The following VIPR2 variants were observed in gnomAD, a reference collection of about 807,000 sequenced individuals.
VIPR2 encodes vasoactive intestinal peptide receptor 2, also known as vasoactive intestinal polypeptide receptor 2.
In VIPR2, 48 loss-of-function variants were observed where a neutral mutation model predicts 58.0. The ratio of observed to expected loss-of-function variants is 0.83; its 90% confidence interval spans 0.66 to 1.05. The LOEUF (loss-of-function observed/expected upper bound fraction) is 1.05, where lower values mean the gene tolerates loss of function less well. VIPR2 is among the 50% of genes least tolerant of loss of function. VIPR2 has a pLI of 0.00. For missense variants in VIPR2, 534 were observed against 558.0 expected (o/e 0.96, Z 0.43); for synonymous variants, 243 against 235.2 (o/e 1.03, Z -0.30).
intron 5 of VIPR2, among the ~76,000 whole-genome samples, chr7:159,045,178 G>A (rs558773533): frequency 6.6e-6 from 1 of 152,234 alleles, no homozygotes; most frequent in South Asian, 2.1e-4. Flanking sequence ...AAAATGAAGA[G>A]AGCCCAAGAG....
intron 6 of VIPR2, among the ~76,000 whole-genome samples, chr7:159,037,846 C>T (rs991589149): frequency 2.6e-5 from 4 of 152,030 alleles, no homozygotes; most frequent in African/African-American, 9.7e-5. Flanking sequence ...CATTTCCATT[C>T]TTATTTCTGT....
chr7:159,064,513 G>A (rs568392344), intron 4 of VIPR2, among the ~76,000 whole-genome samples: 1 of 152,278 alleles, frequency 6.6e-6, no homozygotes, highest in Non-Finnish European at 1.5e-5. Flanking sequence ...GTCTCAAGTC[G>A]GGGCGGCCAG....
chr7:159,043,189 A>C lies in VIPR2; in HGVS notation c.456-13T>G. 1 of 1,390,292 alleles carries C rather than the reference A, an allele frequency of 7.2e-7. No homozygotes were observed. Among genetic ancestry groups the C allele is most frequent in the Admixed American group, 1.9e-5 (1 of 52,676 alleles). 86.1% of individuals were successfully genotyped at this position (1,390,292 alleles called of 1,614,324 possible). The stretch of plus-strand genomic sequence containing the variant: ...GCAGTGCAGCTTCCTGAGGTGGGGG[A>C]GTGGGAGAGAGAGGAATTGGAGGGG... On this transcript the variant is annotated splice_polypyrimidine_tract_variant and intron_variant, in intron 5 of 12. Coordinates refer to ENST00000262178, the MANE Select transcript of VIPR2 (RefSeq NM_003382.5).
chr7:159,113,016 C>T (rs1796097651), intron 2 of VIPR2, among the ~76,000 whole-genome samples: 1 of 152,100 alleles, frequency 6.6e-6, no homozygotes, highest in African/African-American at 2.4e-5. Context: ...TCAAGGATCC[C>T]GACTTGGCAA....
At chr7:159,039,302 T>TACACACACACAC (rs3064495) in intron 6 of VIPR2, among the ~76,000 whole-genome samples, 1 of 148,914 alleles carries the variant, frequency 6.7e-6, no homozygotes, top group Non-Finnish European at 1.5e-5. Context: ...CTACTAAAAA[T>TACACACACACAC]ACACACACAC....
At chr7:159,136,063 T>C (rs1267654708) in intron 2 of VIPR2, among the ~76,000 whole-genome samples, 2 of 152,152 alleles carry the variant, frequency 1.3e-5, no homozygotes, top group Non-Finnish European at 2.9e-5. Flanking sequence ...TGTGTCTAAG[T>C]TTGCCTCTGT....
At chr7:159,047,258 A>G (rs1356692726) in intron 5 of VIPR2, among the ~76,000 whole-genome samples, 1 of 152,178 alleles carries the variant, frequency 6.6e-6, no homozygotes, top group Non-Finnish European at 1.5e-5. Context: ...CAAACAAACA[A>G]AAAAACTATA....
At position 159,072,090 on chromosome 7, in the gene VIPR2, C is replaced by T. The variant is rs1455565726; in HGVS notation, c.358-13512G>A. Among the ~76,000 whole-genome samples, 3 of 147,878 alleles carry T rather than the reference C, an allele frequency of 2.0e-5. No homozygotes were observed. In the East Asian group the frequency reaches 6.0e-4, roughly 29 times the overall value. ...CTCTAGGCCGGGAACCCTGCAGCAC[C>T]TGCTGGATGAAGGCACGATGGTACC... On this transcript the variant is annotated intron_variant, in intron 4 of 12. Transcript: ENST00000262178.
intron 2 of VIPR2, among the ~76,000 whole-genome samples, chr7:159,113,364 T>C (rs73730165): frequency 0.31 from 47,338 of 152,110 alleles, 8,097 homozygotes; most frequent in African/African-American, 0.46. Context: ...CAATCAATCA[T>C]GACCCTTTCA....
chr7:159,064,599 A>G (rs751372285), intron 4 of VIPR2, among the ~76,000 whole-genome samples: 25 of 152,042 alleles, frequency 1.6e-4, no homozygotes, highest in Admixed American at 8.5e-4. Flanking sequence ...GCAGGAGTAC[A>G]GGGCCTGGGT....
intron 3 of VIPR2, among the ~76,000 whole-genome samples, chr7:159,106,694 C>T (rs1227774114): frequency 1.2e-4 from 6 of 50,162 alleles, no homozygotes; most frequent in African/African-American, 1.8e-4. Flanking sequence ...GGCAGAGAGG[C>T]CAGGGAGGGG....
At chr7:159,056,165 C>A (rs59665827) in intron 5 of VIPR2, among the ~76,000 whole-genome samples, 1 of 152,164 alleles carries the variant, frequency 6.6e-6, no homozygotes, top group Non-Finnish European at 1.5e-5. Flanking sequence ...GTACTTGACA[C>A]GGTGCATATT....
At chr7:159,066,159 T>C (rs1856072681) in intron 4 of VIPR2, among the ~76,000 whole-genome samples, 1 of 151,038 alleles carries the variant, frequency 6.6e-6, no homozygotes, top group Admixed American at 6.6e-5. Flanking sequence ...GGATGCCTGC[T>C]CCCACACTGT....
At chr7:159,102,506 A>G (rs939405388) in intron 4 of VIPR2, among the ~76,000 whole-genome samples, 1 of 152,230 alleles carries the variant, frequency 6.6e-6, no homozygotes, top group African/African-American at 2.4e-5. Context: ...TTTACCTTCC[A>G]ATCGTTGGGA....
chr7:159,063,504 C>T (rs2129494242), intron 4 of VIPR2, among the ~76,000 whole-genome samples: 1 of 152,064 alleles, frequency 6.6e-6, no homozygotes, highest in East Asian at 2.0e-4. Context: ...TTCCCGCCCG[C>T]GCCTCTCCCT....
In VIPR2 at chr7:159,109,661, C is replaced by T. The variant is rs576700856; in HGVS notation, c.259+151G>A. 27 of 699,774 alleles carry T rather than the reference C, an allele frequency of 3.9e-5. No homozygotes were observed. In the East Asian group the frequency reaches 5.7e-4, roughly 15 times the overall value. 43.3% of individuals were successfully genotyped at this position (699,774 alleles called of 1,614,324 possible). A position where few individuals can be genotyped will look rare whatever the true frequency, so the allele number is the denominator to read the frequency against. ...GCCCTTCTGCTCCCTAAGACGGGCA[C>T]TCACCCCAATATGCCACAGCTGTTC... On this transcript the variant is annotated intron_variant, in intron 3 of 12. Transcript: ENST00000262178.
Position 159,093,106 on chromosome 7 carries a change from C to T in VIPR2, c.357+10651G>A, listed in dbSNP as rs958501898. ...CCCGTCTAGCAGCGGAGATGCTGCT[C>T]CCAAGCTGAGAGATGTGGTCCTGCG... On this transcript the variant is annotated intron_variant, in intron 4 of 12. Coordinates refer to ENST00000262178, the MANE Select transcript of VIPR2 (RefSeq NM_003382.5). The surrounding 1 kb of genome is among the most constrained non-coding windows in gnomAD (Gnocchi z 6.7). 5.3e-5 allele frequency among the ~76,000 whole-genome samples: 8 copies of T among 152,098 alleles called. No homozygotes were observed. Among genetic ancestry groups the T allele is most frequent in the Non-Finnish European group, 8.8e-5 (6 of 68,028 alleles).
At chr7:159,040,535 G>T (rs962884763) in intron 6 of VIPR2, among the ~76,000 whole-genome samples, 2 of 152,224 alleles carry the variant, frequency 1.3e-5, no homozygotes, top group African/African-American at 2.4e-5. Context: ...AGAGGAAACT[G>T]TGTCTCTGTC....
chr7:159,108,247 C>T (rs774946247), intron 3 of VIPR2, among the ~76,000 whole-genome samples: 7 of 152,240 alleles, frequency 4.6e-5, no homozygotes, highest in Non-Finnish European at 1.0e-4. Context: ...CAGCCCTGCT[C>T]GGCCCCCAGT....
Sources: gnomAD v4.1 joint callset for allele counts (sites outside exome capture counted in the v4.1 genomes callset) on GRCh38, gnomAD v4.1.1 for gene constraint, Gnocchi (gnomAD v3.1) non-coding constraint, MANE v1.5 for transcripts, NCBI Gene and HGNC (gene_info 2026-07-23, HGNC 2026-07-21) for gene names.